The following ACSS3 variants were observed in gnomAD, a reference collection of about 807,000 sequenced individuals.
ACSS3 encodes the protein acyl-CoA synthetase short chain family member 3.
In ACSS3, 64 loss-of-function variants were observed where a neutral mutation model predicts 84.2. The observed-to-expected ratio is 0.76, with a 90% CI of 0.62 to 0.94. The LOEUF (loss-of-function observed/expected upper bound fraction) is 0.94, where lower values mean the gene tolerates loss of function less well. ACSS3 is among the 40% of genes least tolerant of loss of function. The probability of loss-of-function intolerance (pLI) is 0.00; values close to 1 mark genes in which losing one functional copy is unlikely to be tolerated. For missense variants in ACSS3, 815 were observed against 867.6 expected, an observed-to-expected ratio of 0.94 and a Z score of 0.76; for synonymous variants, 317 against 310.1, an observed-to-expected ratio of 1.02 and a Z score of -0.23.
intron 13 of ACSS3, among the ~76,000 whole-genome samples, chr12:81,248,783 C>G (rs1337560083): frequency 6.6e-6 from 1 of 151,912 alleles, no homozygotes; most frequent in African/African-American, 2.4e-5. Flanking sequence ...TTGATCATTA[C>G]ACACTCTATG....
chr12:81,141,566 C>G (rs1038137909), intron 4 of ACSS3, among the ~76,000 whole-genome samples: 5 of 152,066 alleles, frequency 3.3e-5, no homozygotes, highest in African/African-American at 1.2e-4. Flanking sequence ...TTTTTTTCCT[C>G]TGTTTCTCAG....
At position 81,257,665 on chromosome 12, in the gene ACSS3, C is replaced by T. The variant is rs1193580730; in HGVS notation, c.*2743C>T. On this transcript the variant is annotated 3_prime_UTR_variant, in exon 16 of 16. Coordinates refer to ENST00000548058, the MANE Select transcript of ACSS3 (RefSeq NM_024560.4). ...ATGAGACCTATCCTACATTTAAAAA[C>T]CAGTTTTGTTTATATAAAATTGTAT... 2.0e-5 allele frequency: 3 copies of T among 151,892 alleles called. No individual in the cohort carries two copies. Among genetic ancestry groups the T allele is most frequent in the Non-Finnish European group, 4.4e-5 (3 of 67,964 alleles). 9.4% of individuals were successfully genotyped at this position (151,892 alleles called of 1,614,324 possible).
At chr12:81,190,534 G>A (rs898384928) in intron 8 of ACSS3, among the ~76,000 whole-genome samples, 4 of 151,874 alleles carry the variant, frequency 2.6e-5, no homozygotes, top group Non-Finnish European at 4.4e-5. Context: ...ATTGTATTAT[G>A]TACAGAGTCA....
intron 2 of ACSS3, among the ~76,000 whole-genome samples, chr12:81,125,365 A>G (rs996817418): frequency 6.6e-6 from 1 of 152,186 alleles, no homozygotes; most frequent in Non-Finnish European, 1.5e-5. Context: ...AAAATATGCT[A>G]CTGCCTCATT....
At chr12:81,104,980 G>A (rs1050557238) in intron 1 of ACSS3, among the ~76,000 whole-genome samples, 4 of 152,234 alleles carry the variant, frequency 2.6e-5, no homozygotes, top group South Asian at 2.1e-4. Context: ...CCCAAAGAGC[G>A]TATGTTAAAT....
At chr12:81,094,484 T>C (rs1881894548) in intron 1 of ACSS3, 1 of 152,168 alleles carries the variant, frequency 6.6e-6, no homozygotes. Context: ...TTACATGGTA[T>C]TTACAGAAAC....
At chr12:81,125,070 CGGGCGT>C (rs1444384627) in intron 2 of ACSS3, among the ~76,000 whole-genome samples, 7 of 152,064 alleles carry the variant, frequency 4.6e-5, no homozygotes, top group Admixed American at 4.6e-4. Flanking sequence ...AAAAATTAGC[CGGGCGT>C]GGTGGTGGGC....
intron 13 of ACSS3, among the ~76,000 whole-genome samples, chr12:81,238,304 TA>T (rs1327283118): frequency 6.6e-6 from 1 of 151,710 alleles, no homozygotes; most frequent in African/African-American, 2.4e-5. Flanking sequence ...ATTTTAGTAT[TA>T]ATACAATGGG....
At chr12:81,120,822 A>T (rs116030133) in intron 2 of ACSS3, among the ~76,000 whole-genome samples, 17 of 152,322 alleles carry the variant, frequency 1.1e-4, no homozygotes, top group African/African-American at 4.1e-4. Flanking sequence ...TCATTTTCTC[A>T]TGCCAACCTT....
At chr12:81,202,242 G>A (rs574131824) in intron 9 of ACSS3, among the ~76,000 whole-genome samples, 222 of 152,002 alleles carry the variant, frequency 1.5e-3, no homozygotes, top group African/African-American at 5.1e-3. Flanking sequence ...TCGCACCACT[G>A]CACTCCAGCC....
intron 7 of ACSS3, among the ~76,000 whole-genome samples, chr12:81,164,146 AT>A (rs1887289356): frequency 2.6e-5 from 4 of 152,050 alleles, no homozygotes; most frequent in Non-Finnish European, 5.9e-5. Context: ...TAGGTGTAGC[AT>A]TTTTTATCTT....
chr12:81,223,438 A>T (rs1330251350), intron 11 of ACSS3, among the ~76,000 whole-genome samples: 1 of 152,050 alleles, frequency 6.6e-6, no homozygotes, highest in Non-Finnish European at 1.5e-5. Flanking sequence ...CTTTCTTTTC[A>T]TCTGGGTATC....
Position 81,159,592 on chromosome 12 carries a change from G to C in ACSS3, c.1098+7496G>C, listed in dbSNP as rs141241937. 2.6e-5 allele frequency among the ~76,000 whole-genome samples: 4 copies of C among 152,242 alleles called. No homozygotes were observed. In the East Asian group the frequency reaches 7.7e-4, roughly 29 times the overall value. ...TACTTTTGAGAGGAAAAAATTGAATGGTACTTCTTTAGAAATCTACTTCAT... is the reference window on the plus strand; with the variant it reads ...TACTTTTGAGAGGAAAAAATTGAATCGTACTTCTTTAGAAATCTACTTCAT... On this transcript the variant is annotated intron_variant, in intron 7 of 15. Transcript: ENST00000548058.
At chr12:81,241,515 A>G (rs1053648163) in intron 13 of ACSS3, among the ~76,000 whole-genome samples, 2 of 152,114 alleles carry the variant, frequency 1.3e-5, no homozygotes, top group African/African-American at 4.8e-5. Context: ...CTGACTTTTT[A>G]GTGATCGCCA....
rs200405633 is a variant in ACSS3 at position 81,156,209 on chromosome 12, C to T, written c.1098+4113C>T. Among the ~76,000 whole-genome samples the T allele has an allele frequency of 2.0e-5, 3 of 147,182 alleles. No homozygotes were observed. In the East Asian group the frequency reaches 6.1e-4, roughly 30 times the overall value. Reference sequence around the variant, plus strand: ...AAACACACACACACACACACACACCCCACACACACACACACACACACGTCT... The same window carrying T: ...AAACACACACACACACACACACACCTCACACACACACACACACACACGTCT... On this transcript the variant is annotated intron_variant, in intron 7 of 15. Coordinates refer to ENST00000548058, the MANE Select transcript of ACSS3 (RefSeq NM_024560.4).
chr12:81,226,999 A>C (rs546969262), intron 11 of ACSS3, among the ~76,000 whole-genome samples: 1 of 150,796 alleles, frequency 6.6e-6, no homozygotes, highest in East Asian at 2.0e-4. Context: ...ACATATATAT[A>C]TACATACACA....
chr12:81,184,416 C>T (rs2031130158), intron 8 of ACSS3, among the ~76,000 whole-genome samples: 1 of 151,604 alleles, frequency 6.6e-6, no homozygotes, highest in Admixed American at 6.6e-5. Context: ...CAAAAATTAG[C>T]TGATGGGAAT....
At chr12:81,250,004 T>C (rs1407194651) in intron 13 of ACSS3, among the ~76,000 whole-genome samples, 4 of 152,102 alleles carry the variant, frequency 2.6e-5, no homozygotes, top group Non-Finnish European at 4.4e-5. Context: ...AGTCCTAATC[T>C]CATAACATTT....
At chr12:81,101,014 CTCTT>C (rs1157569214) in intron 1 of ACSS3, among the ~76,000 whole-genome samples, 3 of 152,148 alleles carry the variant, frequency 2.0e-5, no homozygotes, top group Non-Finnish European at 2.9e-5. Context: ...TAGCATATCT[CTCTT>C]TGTGATCTGA....
Sources: allele counts gnomAD v4.1 joint callset (sites outside exome capture counted in the v4.1 genomes callset), GRCh38; gene constraint gnomAD v4.1.1; transcripts MANE v1.5; gene names NCBI Gene and HGNC (gene_info 2026-07-23, HGNC 2026-07-21).